The following GINM1 variants were observed in gnomAD, a reference collection of about 807,000 sequenced individuals.
The protein encoded by GINM1 is glycoprotein integral membrane protein 1.
Under a neutral mutation model 37.8 loss-of-function variants are expected in GINM1, and 29 were observed. The ratio of observed to expected loss-of-function variants is 0.77; its 90% CI spans 0.57 to 1.05. The LOEUF (loss-of-function observed/expected upper bound fraction) is 1.05. Among genes scored for constraint, GINM1 ranks in the 50% least tolerant of loss-of-function variants. GINM1 has a pLI of 0.00. For synonymous variants in GINM1, 143 were observed against 146.2 expected (o/e 0.98, Z 0.16); for missense variants, 377 against 397.9 (o/e 0.95, Z 0.45).
intron 1 of GINM1, among the ~76,000 whole-genome samples, chr6:149,567,479 A>G (rs1377266745): frequency 6.6e-6 from 1 of 152,130 alleles, no homozygotes; most frequent in Non-Finnish European, 1.5e-5. Context: ...CGTCTCTACT[A>G]AAAATAGAAA....
intron 7 of GINM1, among the ~76,000 whole-genome samples, chr6:149,589,374 G>A (rs1778119554): frequency 6.6e-6 from 1 of 152,148 alleles, no homozygotes; most frequent in Non-Finnish European, 1.5e-5. Context: ...CCGGGGTCAA[G>A]AGATTCTCCT....
Position 149,580,703 on chromosome 6 carries a change from G to C in GINM1, c.697G>C (p.Glu233Gln). 1.2e-6 allele frequency: 2 copies of C among 1,613,780 alleles called. No homozygotes were observed. The highest frequency in any genetic ancestry group is 1.7e-6 in the Non-Finnish European group (2 of 1,179,812). Reference sequence around the variant, plus strand: ...GTTACCTGAAACTCCTCTCAGAGCAGAGCCGCCATCTTCATATAAGGTAAA... The same window carrying C: ...GTTACCTGAAACTCCTCTCAGAGCACAGCCGCCATCTTCATATAAGGTAAA... ...GKLPETPLRA[E>Q]PPSSYKVMCQ... The change falls in exon 6 of 8, where the codon GAG becomes CAG. Residue 233 changes from glutamate to glutamine, a missense_variant. Glu to Gln is a conservative substitution (Grantham distance 29, BLOSUM62 2). Coordinates refer to ENST00000367419, the MANE Select transcript of GINM1 (RefSeq NM_138785.5).
At chr6:149,567,321 A>G (rs968655572) in intron 1 of GINM1, among the ~76,000 whole-genome samples, 2 of 152,174 alleles carry the variant, frequency 1.3e-5, no homozygotes, top group African/African-American at 4.8e-5. Context: ...GGTAGGGAAA[A>G]GTTTGAATAT....
intron 1 of GINM1, among the ~76,000 whole-genome samples, chr6:149,569,175 AG>A (rs1163110997): frequency 2.0e-5 from 3 of 151,918 alleles, no homozygotes; most frequent in African/African-American, 7.3e-5. Flanking sequence ...CTGGGATTAC[AG>A]GCTCCCGCCA....
chr6:149,586,535 G>GATTTTACAATCT (rs1162441057), intron 7 of GINM1, among the ~76,000 whole-genome samples: 1 of 152,098 alleles, frequency 6.6e-6, no homozygotes, highest in Non-Finnish European at 1.5e-5. Flanking sequence ...TGACTTCATT[G>GATTTTACAATCT]AATGTTTTGC....
At chr6:149,570,136 TTATATATATATA>T (rs549791771) in intron 1 of GINM1, among the ~76,000 whole-genome samples, 625 of 45,632 alleles carry the variant, frequency 0.014, 9 homozygotes, top group Non-Finnish European at 0.021. Flanking sequence ...TAGGTAGGTT[TTATATATATATA>T]TATATATATA....
Position 149,580,624 on chromosome 6 carries a change from G to C in GINM1, c.618G>C (p.Gln206His). Residue 206 changes from glutamine to histidine, a missense_variant, in exon 6 of 8, where the codon CAG becomes CAC. Transcript: ENST00000367419. ...TTAGTTCACTGCAAACCACTAGCCA[G>C]TATCTTATCAGGAATGTGGAAACCA... The part of the protein sequence containing the change: ...ESVSSLQTTS[Q>H]YLIRNVETTV... The C allele has an allele frequency of 6.2e-7, 1 of 1,613,694 alleles. No homozygotes were observed. The highest frequency in any genetic ancestry group is 1.1e-5 in the South Asian group (1 of 91,026).
intron 3 of GINM1, among the ~76,000 whole-genome samples, chr6:149,577,833 TA>T (rs1777937523): frequency 6.6e-6 from 1 of 152,204 alleles, no homozygotes; most frequent in South Asian, 2.1e-4. Flanking sequence ...TCTTTTTCGA[TA>T]GCACTTCTAC....
At chr6:149,579,411 C>G (rs1159515702) in intron 4 of GINM1, among the ~76,000 whole-genome samples, 1 of 152,176 alleles carries the variant, frequency 6.6e-6, no homozygotes, top group Non-Finnish European at 1.5e-5. Flanking sequence ...TAATTGTTAG[C>G]TGGGCATGGT....
At chr6:149,585,881 C>G (rs530694742) in intron 7 of GINM1, among the ~76,000 whole-genome samples, 2 of 152,106 alleles carry the variant, frequency 1.3e-5, no homozygotes, top group Admixed American at 6.6e-5. Context: ...GGTGAGCCAC[C>G]GCGCCCAGCA....
At chr6:149,575,057 A>G (rs750170837) in intron 3 of GINM1, among the ~76,000 whole-genome samples, 3 of 152,086 alleles carry the variant, frequency 2.0e-5, no homozygotes, top group South Asian at 4.1e-4. Context: ...TCCAATATTC[A>G]TGTGTGTTTA....
intron 7 of GINM1, among the ~76,000 whole-genome samples, chr6:149,586,388 A>G (rs1562273610): frequency 1.3e-5 from 2 of 152,192 alleles, no homozygotes; most frequent in African/African-American, 4.8e-5. Flanking sequence ...TAATCTGTTC[A>G]TGAAGGATCT....
chr6:149,570,136 TTA>T (rs549791771), intron 1 of GINM1, among the ~76,000 whole-genome samples: 25 of 45,802 alleles, frequency 5.5e-4, no homozygotes, highest in Non-Finnish European at 9.3e-4. Flanking sequence ...TAGGTAGGTT[TTA>T]TATATATATA....
In GINM1 at chr6:149,572,265, A is replaced by T. The variant is rs753242749; in HGVS notation, c.121-20A>T. 2 of 1,530,768 alleles carry T rather than the reference A, an allele frequency of 1.3e-6. No individual in the cohort carries two copies. Among genetic ancestry groups the T allele is most frequent in the Admixed American group, 1.9e-5 (1 of 52,456 alleles). The allele number at this position is 1,530,768 out of a possible 1,614,324, so 94.8% of individuals were successfully genotyped here. On this transcript the variant is annotated intron_variant, in intron 1 of 7. Transcript: ENST00000367419. ...CTGTGAGATGCACACCTTCCAATTTACACAATACTTGTTTTACAGGACGGC... is the reference window on the plus strand; with the variant it reads ...CTGTGAGATGCACACCTTCCAATTTTCACAATACTTGTTTTACAGGACGGC...
At chr6:149,589,433 C>T (rs896095653) in intron 7 of GINM1, among the ~76,000 whole-genome samples, 2 of 151,276 alleles carry the variant, frequency 1.3e-5, no homozygotes, top group Non-Finnish European at 2.9e-5. Context: ...CCACCACAGC[C>T]GGCTAATTTA....
intron 3 of GINM1, among the ~76,000 whole-genome samples, chr6:149,577,689 G>A (rs371732680): frequency 6.6e-5 from 10 of 152,330 alleles, no homozygotes; most frequent in East Asian, 1.9e-4. Context: ...TAGATGCACA[G>A]AATCAGACTA....
intron 3 of GINM1, chr6:149,577,356 G>A (rs1397992626): frequency 6.6e-6 from 1 of 152,502 alleles, no homozygotes; most frequent in Non-Finnish European, 1.5e-5. Context: ...GATGGACCAT[G>A]AGAGAGGGGG....
intron 7 of GINM1, among the ~76,000 whole-genome samples, chr6:149,586,352 A>G (rs1356690072): frequency 6.6e-6 from 1 of 152,182 alleles, no homozygotes; most frequent in South Asian, 2.1e-4. Context: ...ATGAGAACTC[A>G]TTCCCTTCCC....
At position 149,590,853 on chromosome 6, in the gene GINM1, T is replaced by C; in HGVS notation, c.*15T>C. On this transcript the variant is annotated 3_prime_UTR_variant, in exon 8 of 8. Coordinates refer to ENST00000367419, the MANE Select transcript of GINM1 (RefSeq NM_138785.5). ...CATGTATTTAAAACGCCATCTCATA[T>C]CATGGACTCCGAAGTAGCCTGTTGC... 3 of 1,240,042 alleles carry C rather than the reference T, an allele frequency of 2.4e-6. No homozygotes were observed. Among genetic ancestry groups the C allele is most frequent in the Non-Finnish European group, 3.5e-6 (3 of 847,104 alleles). 76.8% of individuals were successfully genotyped at this position (1,240,042 alleles called of 1,614,324 possible).
Sources: gnomAD v4.1 joint callset for allele counts (sites outside exome capture counted in the v4.1 genomes callset) on GRCh38, gnomAD v4.1.1 for gene constraint, MANE v1.5 for transcripts, NCBI Gene and HGNC (gene_info 2026-07-23, HGNC 2026-07-21) for gene names.